The following RBFOX1 variants were observed in gnomAD, a reference collection of about 807,000 sequenced individuals.
RBFOX1 encodes the protein RNA binding fox-1 homolog 1, also known as RNA binding protein fox-1 homolog 1.
Under a neutral mutation model 57.7 loss-of-function variants are expected in RBFOX1, and 8 were observed. The observed-to-expected ratio is 0.14, with a 90% confidence interval of 0.08 to 0.25. The LOEUF (loss-of-function observed/expected upper bound fraction) is 0.25. Ranked by LOEUF, RBFOX1 falls within the 10% of genes least tolerant of loss-of-function variation. The pLI is 1.00. For synonymous variants in RBFOX1, 326 were observed against 222.4 expected (o/e 1.47, Z -4.15); for missense variants, 611 against 548.5 (o/e 1.11, Z -1.14).
At chr16:6,148,954 C>T (rs1321017201) in intron 1 of RBFOX1, among the ~76,000 whole-genome samples, 1 of 151,936 alleles carries the variant, frequency 6.6e-6, no homozygotes, top group Non-Finnish European at 1.5e-5. Context: ...CCAAGGCTCA[C>T]AACGTAGAAG....
At chr16:6,899,555 C>T (rs755784404) in intron 3 of RBFOX1, among the ~76,000 whole-genome samples, 5 of 152,206 alleles carry the variant, frequency 3.3e-5, no homozygotes, top group Non-Finnish European at 5.9e-5. Context: ...ATGTAGATTA[C>T]AACTCCATCT....
chr16:7,653,323 A>C (rs1042788745), intron 11 of RBFOX1, among the ~76,000 whole-genome samples: 2 of 152,118 alleles, frequency 1.3e-5, no homozygotes, highest in Non-Finnish European at 2.9e-5. Context: ...CAACAAAGGG[A>C]GATCCCCATC....
intron 4 of RBFOX1, among the ~76,000 whole-genome samples, chr16:7,331,118 C>G (rs529634367): frequency 1.3e-5 from 2 of 152,222 alleles, no homozygotes; most frequent in South Asian, 4.1e-4. Context: ...ACCCTGTCCG[C>G]CGTCGTTATC....
At chr16:7,682,902 C>A (rs1436137585) in intron 14 of RBFOX1, among the ~76,000 whole-genome samples, 1 of 146,688 alleles carries the variant, frequency 6.8e-6, no homozygotes, top group Non-Finnish European at 1.5e-5. Context: ...AAGCAATTGT[C>A]CTAGACAGCT....
rs538172654 is a variant in RBFOX1 at position 6,369,365 on chromosome 16, TA to T, written c.-64+52314del. Among the ~76,000 whole-genome samples the T allele has an allele frequency of 1.5e-4, 23 of 152,296 alleles. 2 individuals carry two copies. The highest frequency in any genetic ancestry group is 1.4e-3 in the East Asian group (7 of 5,180). ...AGTGTAAAGATTGAAAGGATTGATT[TA>T]AAAAATGGAAAAACATTGTGAAGGA... On this transcript the variant is annotated intron_variant, in intron 2 of 15. Coordinates refer to ENST00000550418, the MANE Select transcript of RBFOX1 (RefSeq NM_018723.4).
chr16:7,210,710 G>T (rs1047772435), intron 4 of RBFOX1, among the ~76,000 whole-genome samples: 9 of 152,054 alleles, frequency 5.9e-5, no homozygotes, highest in African/African-American at 1.9e-4. Context: ...CAACATTGTT[G>T]CTCCAATTAT....
chr16:5,659,743 C>T (rs1033887405), intron 3 of RBFOX1, among the ~76,000 whole-genome samples: 18 of 152,302 alleles, frequency 1.2e-4, no homozygotes, highest in African/African-American at 2.6e-4. Context: ...TAAAGAGTTT[C>T]GTCCAGTTAC....
chr16:7,663,272 G>C (rs2068253839), intron 12 of RBFOX1, among the ~76,000 whole-genome samples: 3 of 152,196 alleles, frequency 2.0e-5, no homozygotes. Flanking sequence ...TCTTGGATTA[G>C]GGCTTTATGC....
intron 3 of RBFOX1, among the ~76,000 whole-genome samples, chr16:6,847,318 T>C (rs2093809120): frequency 6.6e-6 from 1 of 152,196 alleles, no homozygotes; most frequent in African/African-American, 2.4e-5. Flanking sequence ...TGCTTCATGC[T>C]ATGGGTCCAG....
chr16:6,724,104 G>C (rs1190990893), intron 3 of RBFOX1, among the ~76,000 whole-genome samples: 2 of 152,140 alleles, frequency 1.3e-5, no homozygotes. Flanking sequence ...ATGAGGCCAT[G>C]GTGGCAGGGA....
intron 4 of RBFOX1, among the ~76,000 whole-genome samples, chr16:7,501,856 A>G (rs1029324417): frequency 2.6e-5 from 4 of 152,222 alleles, no homozygotes; most frequent in East Asian, 3.9e-4. Context: ...AGGCTATTCT[A>G]TGACTCCTGC....
At chr16:6,408,441 G>A (rs2093357336) in intron 2 of RBFOX1, among the ~76,000 whole-genome samples, 2 of 152,132 alleles carry the variant, frequency 1.3e-5, no homozygotes, top group Non-Finnish European at 2.9e-5. Flanking sequence ...TTTCATCAGG[G>A]CGAGTTCTGG....
At chr16:5,857,671 C>T (rs1022630845) in intron 3 of RBFOX1, among the ~76,000 whole-genome samples, 2 of 151,996 alleles carry the variant, frequency 1.3e-5, no homozygotes, top group African/African-American at 2.4e-5. Context: ...AAAATGTTCC[C>T]AGCATTTTGG....
intron 3 of RBFOX1, among the ~76,000 whole-genome samples, chr16:6,861,799 C>G (rs1004701773): frequency 2.0e-5 from 3 of 147,542 alleles, no homozygotes; most frequent in South Asian, 4.3e-4. Context: ...TACACTCCCC[C>G]TCTTTCCTAG....
chr16:6,978,837 A>G (rs144290189), intron 3 of RBFOX1, among the ~76,000 whole-genome samples: 40 of 152,302 alleles, frequency 2.6e-4, no homozygotes, highest in South Asian at 2.3e-3. Context: ...AATGCCTTCA[A>G]TCCCCTTCGC....
At chr16:5,634,490 A>T (rs535408875) in intron 3 of RBFOX1, among the ~76,000 whole-genome samples, 1 of 152,368 alleles carries the variant, frequency 6.6e-6, no homozygotes, top group Non-Finnish European at 1.5e-5. Flanking sequence ...GAACTTGTAC[A>T]AAATGCTAAA....
At chr16:7,698,125 T>C (rs1163153993) in intron 14 of RBFOX1, among the ~76,000 whole-genome samples, 1 of 151,950 alleles carries the variant, frequency 6.6e-6, no homozygotes, top group Non-Finnish European at 1.5e-5. Context: ...AACAATATGC[T>C]AGTCCCTGAA....
chr16:6,895,798 G>A (rs7201805), intron 3 of RBFOX1, among the ~76,000 whole-genome samples: 119,763 of 151,864 alleles, frequency 0.79, 48,133 homozygotes, highest in African/African-American at 0.95. Context: ...GCCACTTCCC[G>A]AATGTGAGAC....
At chr16:7,137,315 CT>C (rs2072307301) in intron 4 of RBFOX1, among the ~76,000 whole-genome samples, 1 of 152,116 alleles carries the variant, frequency 6.6e-6, no homozygotes, top group Non-Finnish European at 1.5e-5. Context: ...TCATCTTGAA[CT>C]GTAGCTCCTG....
Sources: gnomAD v4.1 joint callset for allele counts (sites outside exome capture counted in the v4.1 genomes callset) on GRCh38, gnomAD v4.1.1 for gene constraint, MANE v1.5 for transcripts, NCBI Gene and HGNC (gene_info 2026-07-23, HGNC 2026-07-21) for gene names.